The following MCC variants were observed in gnomAD, a reference collection of about 807,000 sequenced individuals.
The protein encoded by MCC is MCC regulator of Wnt signaling pathway.
A neutral mutation model predicts 116.2 loss-of-function variants in MCC; 90 were observed. The observed-to-expected ratio is 0.77, with a 90% CI of 0.65 to 0.92. The LOEUF (loss-of-function observed/expected upper bound fraction) is 0.92. Ranked by LOEUF, MCC falls within the 40% of genes least tolerant of loss-of-function variation. The pLI is 0.00. For missense variants in MCC, 1,516 were observed against 1,312.2 expected (o/e 1.16, Z -2.40); for synonymous variants, 578 against 510.5 (o/e 1.13, Z -1.78).
chr5:113,331,786 G>A (rs1404156208), intron 3 of MCC, among the ~76,000 whole-genome samples: 6 of 100,830 alleles, frequency 6.0e-5, no homozygotes, highest in African/African-American at 2.4e-4. Flanking sequence ...ACAGGCACCC[G>A]CCACCACAAC....
At chr5:113,366,877 T>C (rs971194816) in intron 2 of MCC, among the ~76,000 whole-genome samples, 3 of 152,122 alleles carry the variant, frequency 2.0e-5, no homozygotes, top group African/African-American at 7.2e-5. Context: ...ATCATACTCA[T>C]TGCAGTCTTG....
rs1186361820 is a variant in MCC at position 113,327,559 on chromosome 5, A to AT, written c.627+12959_627+12960insA. Among the ~76,000 whole-genome samples, 35 of 81,000 alleles carry AT rather than the reference A, an allele frequency of 4.3e-4. 1 individual carries two copies. Among genetic ancestry groups the AT allele is most frequent in the South Asian group, 1.3e-3 (4 of 3,010 alleles). 53.1% of individuals were successfully genotyped at this position (81,000 alleles called of 152,430 possible). ...AGACTCAGTCTCAAAAAAAAAAAAA[A>AT]AAATATATATATATATATATATATA... On this transcript the variant is annotated intron_variant, in intron 3 of 18. Coordinates refer to ENST00000408903, the MANE Select transcript of MCC (RefSeq NM_001085377.2).
intron 3 of MCC, among the ~76,000 whole-genome samples, chr5:113,160,397 T>C (rs1298532079): frequency 6.6e-6 from 1 of 152,248 alleles, no homozygotes; most frequent in Non-Finnish European, 1.5e-5. Flanking sequence ...TGCTATGTGC[T>C]AGATTGCTAT....
chr5:113,043,107 A>G (rs919352859), intron 17 of MCC, among the ~76,000 whole-genome samples: 2 of 152,160 alleles, frequency 1.3e-5, no homozygotes, highest in African/African-American at 4.8e-5. Context: ...AAACACTGAA[A>G]TAATAGAGGA....
At chr5:113,319,068 C>T (rs899750823) in intron 3 of MCC, among the ~76,000 whole-genome samples, 1 of 152,030 alleles carries the variant, frequency 6.6e-6, no homozygotes, top group African/African-American at 2.4e-5. Flanking sequence ...GGAGTTTTGC[C>T]ATGTTGCCAG....
At chr5:113,057,488 T>G (rs1752910537) in intron 14 of MCC, among the ~76,000 whole-genome samples, 1 of 109,150 alleles carries the variant, frequency 9.2e-6, no homozygotes, top group African/African-American at 3.7e-5. Context: ...TTATGTTTTC[T>G]CAAGCTGTAT....
At chr5:113,482,240 G>A (rs1300631416) in intron 1 of MCC, among the ~76,000 whole-genome samples, 1 of 152,096 alleles carries the variant, frequency 6.6e-6, no homozygotes, top group Non-Finnish European at 1.5e-5. Context: ...GTTTTTGGGT[G>A]GACATATATT....
intron 5 of MCC, among the ~76,000 whole-genome samples, chr5:113,130,300 CACAGGG>C (rs1393974150): frequency 6.6e-6 from 1 of 151,980 alleles, no homozygotes; most frequent in African/African-American, 2.4e-5. Flanking sequence ...AACATATGGG[CACAGGG>C]AGGGGAACAT....
intron 5 of MCC, among the ~76,000 whole-genome samples, chr5:113,131,247 T>C (rs906361369): frequency 7.6e-4 from 116 of 152,274 alleles, no homozygotes; most frequent in Non-Finnish European, 7.4e-4. Context: ...TGCTTAGAAA[T>C]CCTTTTTTAT....
At chr5:113,287,409 A>T (rs1335360585) in intron 3 of MCC, among the ~76,000 whole-genome samples, 1 of 152,008 alleles carries the variant, frequency 6.6e-6, no homozygotes, top group East Asian at 1.9e-4. Context: ...GCTCACTGCA[A>T]CCTCCACCTC....
At chr5:113,424,184 C>T (rs937023844) in intron 1 of MCC, among the ~76,000 whole-genome samples, 27 of 146,116 alleles carry the variant, frequency 1.8e-4, no homozygotes, top group Middle Eastern at 3.6e-3. Context: ...CACACACACA[C>T]ATTCTAATCA....
At chr5:113,047,989 G>C (rs1439604356) in intron 16 of MCC, among the ~76,000 whole-genome samples, 1 of 152,184 alleles carries the variant, frequency 6.6e-6, no homozygotes. Context: ...ACCCTGTGAC[G>C]GTAGCAACGC....
At chr5:113,049,570 G>A (rs908393825) in intron 15 of MCC, among the ~76,000 whole-genome samples, 1 of 152,226 alleles carries the variant, frequency 6.6e-6, no homozygotes, top group African/African-American at 2.4e-5. Flanking sequence ...CAAGATTGTG[G>A]TTCAATATAG....
chr5:113,229,635 C>A (rs554929781), intron 3 of MCC, among the ~76,000 whole-genome samples: 1 of 152,306 alleles, frequency 6.6e-6, no homozygotes, highest in African/African-American at 2.4e-5. Context: ...TCATGTGCTG[C>A]ATAACAACAT....
chr5:113,279,908 T>C (rs1765970938), intron 3 of MCC, among the ~76,000 whole-genome samples: 1 of 152,234 alleles, frequency 6.6e-6, no homozygotes, highest in Non-Finnish European at 1.5e-5. Context: ...CAAAATGAAA[T>C]TGAAGTAATT....
intron 17 of MCC, among the ~76,000 whole-genome samples, chr5:113,031,879 T>A (rs1044478593): frequency 6.6e-6 from 1 of 152,046 alleles, no homozygotes; most frequent in African/African-American, 2.4e-5. Context: ...CAACCCCAGC[T>A]TAGGGTTGTG....
chr5:113,412,361 G>A (rs181517249), intron 1 of MCC, among the ~76,000 whole-genome samples: 1,981 of 152,218 alleles, frequency 0.013, 15 homozygotes, highest in Middle Eastern at 0.024. Context: ...ATTACCTTGG[G>A]CAGTATGGTC....
chr5:113,077,998 A>G (rs1754576330), intron 11 of MCC, among the ~76,000 whole-genome samples: 1 of 152,356 alleles, frequency 6.6e-6, no homozygotes, highest in South Asian at 2.1e-4. Context: ...ACAAAAATAC[A>G]AACTACCATC....
chr5:113,132,395 T>TAC (rs1426693940), intron 5 of MCC, among the ~76,000 whole-genome samples: 1 of 144,626 alleles, frequency 6.9e-6, no homozygotes, highest in Non-Finnish European at 1.5e-5. Flanking sequence ...TACATATATA[T>TAC]ATACATACAT....
Sources: gnomAD v4.1 joint callset for allele counts (sites outside exome capture counted in the v4.1 genomes callset) on GRCh38, gnomAD v4.1.1 for gene constraint, MANE v1.5 for transcripts, NCBI Gene and HGNC (gene_info 2026-07-23, HGNC 2026-07-21) for gene names.